REPS2: variants seen among roughly 807,000 people sequenced by gnomAD.
The protein encoded by REPS2 is RALBP1 associated Eps domain containing 2.
Under a neutral mutation model 53.6 loss-of-function variants are expected in REPS2, and 23 were observed. That is an observed-to-expected ratio of 0.43 (90% confidence interval 0.31 to 0.61). The LOEUF (loss-of-function observed/expected upper bound fraction) is 0.61, where lower values mean the gene tolerates loss of function less well. Ranked by LOEUF, REPS2 falls within the 20% of genes least tolerant of loss-of-function variation. REPS2 has a pLI of 0.11. For synonymous variants in REPS2, 238 were observed against 218.6 expected (o/e 1.09, Z -0.78); for missense variants, 446 against 534.9 (o/e 0.83, Z 1.64).
At chrX:16,979,045 G>T (rs2060990228) in intron 1 of REPS2, among the ~76,000 whole-genome samples, 1 of 111,865 alleles carries the variant, frequency 8.9e-6, no homozygotes, top group African/African-American at 3.2e-5. Flanking sequence ...TTTCCGATAG[G>T]CTTTACCTTA....
the REPS2 span, among the ~76,000 whole-genome samples, chrX:17,173,244 C>G: frequency 1.1e-4 from 12 of 111,775 alleles, no homozygotes; most frequent in African/African-American, 3.6e-4. Flanking sequence ...GTAGGTCAAG[C>G]TGTGTTCTCA....
intron 1 of REPS2, among the ~76,000 whole-genome samples, chrX:16,965,355 G>A (rs1311797223): frequency 1.3e-4 from 15 of 111,672 alleles, no homozygotes; most frequent in African/African-American, 5.0e-4. Context: ...CGGCTGGCCG[G>A]GCGGGGGGCT....
At chrX:17,135,110 C>A in intron 15 of REPS2, 151 bp from the exon 16 acceptor site, 1 of 480,482 alleles carries the variant, frequency 2.1e-6, no homozygotes, top group Non-Finnish European at 3.4e-6. Flanking sequence ...TGCCTGTGTC[C>A]CCCCAGTTCT....
intron 1 of REPS2, among the ~76,000 whole-genome samples, chrX:16,972,659 C>G (rs1425361364): frequency 2.7e-5 from 3 of 111,499 alleles, no homozygotes; most frequent in Admixed American, 9.5e-5. Flanking sequence ...TTTTTCCTTT[C>G]TCTTGTGCTT....
At chrX:16,983,349 A>C (rs1252197269) in intron 1 of REPS2, among the ~76,000 whole-genome samples, 1 of 111,803 alleles carries the variant, frequency 8.9e-6, no homozygotes, top group African/African-American at 3.3e-5. Context: ...TTGTGTTTAT[A>C]AATCAAGGCT....
chrX:17,140,950 T>C (rs2063437116), intron 17 of REPS2, among the ~76,000 whole-genome samples: 2 of 110,127 alleles, frequency 1.8e-5, no homozygotes, highest in South Asian at 7.7e-4. Flanking sequence ...TTTTGTATTT[T>C]TAGTAGAGGT....
rs372306274 is a variant in REPS2 at position 17,043,173 on chromosome X, GAA to G, written c.772-4172_772-4171del. The stretch of plus-strand genomic sequence containing the variant: ...TCAAGCATACAGCGAGAAGCAAGGG[GAA>G]AGAGATGGGGGGGTAGGTTAGCACA... On this transcript the variant is annotated intron_variant, in intron 5 of 17. Transcript: ENST00000357277. Among the ~76,000 whole-genome samples, 191 of 111,393 alleles carry G rather than the reference GAA, an allele frequency of 1.7e-3. 1 individual carries two copies. Among genetic ancestry groups the G allele is most frequent in the African/African-American group, 5.9e-3 (182 of 30,627 alleles).
chrX:17,030,616 T>C (rs2061697786), intron 5 of REPS2, among the ~76,000 whole-genome samples: 1 of 112,001 alleles, frequency 8.9e-6, no homozygotes, highest in Non-Finnish European at 1.9e-5. Context: ...TTTTCTAAGG[T>C]GGGACTCTGT....
rs2061330449 is a variant in REPS2, at chrX:17,003,572, G to A, written c.274-2649G>A. On this transcript the variant is annotated intron_variant, in intron 1 of 17. Coordinates refer to ENST00000357277, the MANE Select transcript of REPS2 (RefSeq NM_004726.3). ...TGAAGGTGTGTGAGTCTGGAGACAG[G>A]ACTTGAAACAGTCGAGGCGAGAGCA... Among the ~76,000 whole-genome samples, 4 of 111,374 alleles carry A rather than the reference G, an allele frequency of 3.6e-5. No individual in the cohort carries two copies. In the Admixed American group the frequency reaches 3.8e-4, roughly 11 times the overall value.
the REPS2 span, among the ~76,000 whole-genome samples, chrX:17,161,737 A>G: frequency 9.0e-6 from 1 of 111,711 alleles, no homozygotes; most frequent in South Asian, 3.8e-4. Flanking sequence ...GTTTATGGCA[A>G]TTTGCTACAG....
At chrX:17,195,134 C>G in the REPS2 span, among the ~76,000 whole-genome samples, 1 of 112,179 alleles carries the variant, frequency 8.9e-6, no homozygotes, top group Non-Finnish European at 1.9e-5. Context: ...CTAGTAGCTT[C>G]TATTTATCCT....
intron 1 of REPS2, among the ~76,000 whole-genome samples, chrX:16,956,283 A>ATTTT (rs2060592865): frequency 1.7e-5 from 1 of 59,613 alleles, no homozygotes; most frequent in African/African-American, 6.5e-5. Flanking sequence ...AAACCACAGC[A>ATTTT]GTTTTTTTTT....
chrX:17,059,816 A>G (rs2062131642), intron 8 of REPS2, among the ~76,000 whole-genome samples: 1 of 111,481 alleles, frequency 9.0e-6, no homozygotes, highest in South Asian at 3.8e-4. Flanking sequence ...ATGCCATTTT[A>G]CTTGCAATTA....
At chrX:16,984,584 T>C (rs2061067088) in intron 1 of REPS2, among the ~76,000 whole-genome samples, 1 of 112,324 alleles carries the variant, frequency 8.9e-6, no homozygotes, top group Non-Finnish European at 1.9e-5. Context: ...AAATTATGAA[T>C]TATATTTCCT....
chrX:16,956,326 G>T (rs2060596713), intron 1 of REPS2, among the ~76,000 whole-genome samples: 1 of 71,036 alleles, frequency 1.4e-5, no homozygotes, highest in Non-Finnish European at 2.4e-5. Context: ...TTTTGAGACA[G>T]GGTCTTGCTC....
rs575849630 is a variant in REPS2, at chrX:17,150,836, C to T, written c.*3355C>T. The T allele has an allele frequency of 1.1e-4, 12 of 112,444 alleles. No homozygotes were observed. The highest frequency in any genetic ancestry group is 5.6e-4 in the East Asian group (2 of 3,547). 9.3% of individuals were successfully genotyped at this position (112,444 alleles called of 1,213,427 possible). On this transcript the variant is annotated 3_prime_UTR_variant, in exon 18 of 18. Coordinates refer to ENST00000357277, the MANE Select transcript of REPS2 (RefSeq NM_004726.3). ...TTTTATGGATTTTGAGTTAGATTCTCTACCCTCTATCAATACTAAAAATAG... is the reference window on the plus strand; with the variant it reads ...TTTTATGGATTTTGAGTTAGATTCTTTACCCTCTATCAATACTAAAAATAG...
intron 14 of REPS2, among the ~76,000 whole-genome samples, chrX:17,104,463 C>G (rs377017219): frequency 3.6e-5 from 4 of 111,852 alleles, no homozygotes; most frequent in African/African-American, 9.7e-5. Flanking sequence ...AAGAAACTTT[C>G]TATCTTTAAA....
At chrX:17,069,863 C>G (rs2062279672) in intron 10 of REPS2, 77 bp from the exon 11 acceptor site, 1 of 592,922 alleles carries the variant, frequency 1.7e-6, no homozygotes, top group Non-Finnish European at 2.4e-6. Flanking sequence ...CAATTTGCCT[C>G]AGAAATAACA....
At chrX:16,990,158 T>TA (rs1330581840) in intron 1 of REPS2, among the ~76,000 whole-genome samples, 1 of 111,962 alleles carries the variant, frequency 8.9e-6, no homozygotes, top group African/African-American at 3.2e-5. Flanking sequence ...TCCAGAGAAT[T>TA]ATGCCGAGTG....
Sources: allele counts gnomAD v4.1 joint callset (sites outside exome capture counted in the v4.1 genomes callset), GRCh38; gene constraint gnomAD v4.1.1; transcripts MANE v1.5; gene names NCBI Gene and HGNC (gene_info 2026-07-23, HGNC 2026-07-21).